Variants in WDFY3 observed in about 807,000 individuals in gnomAD.
WDFY3 encodes WD repeat and FYVE domain containing 3, also known as WD repeat and FYVE domain-containing protein 3.
A neutral mutation model predicts 409.6 loss-of-function variants in WDFY3; 66 were observed. The ratio of observed to expected loss-of-function variants is 0.16; its 90% confidence interval spans 0.13 to 0.20. The LOEUF (loss-of-function observed/expected upper bound fraction) is 0.20. Ranked by LOEUF, WDFY3 falls within the 10% of genes least tolerant of loss-of-function variation. The pLI is 1.00. For missense variants in WDFY3, 3,031 were observed against 4,298.1 expected (o/e 0.71, Z 8.24); for synonymous variants, 1,521 against 1,537.1 (o/e 0.99, Z 0.25).
At chr4:84,761,002 T>G (rs1209864027) in intron 32 of WDFY3, among the ~76,000 whole-genome samples, 2 of 151,668 alleles carry the variant, frequency 1.3e-5, no homozygotes, top group East Asian at 1.9e-4. Context: ...TCTGGTATGT[T>G]GTGTCTTTGT....
At chr4:84,756,713 C>T (rs1362844291) in intron 33 of WDFY3, among the ~76,000 whole-genome samples, 1 of 151,674 alleles carries the variant, frequency 6.6e-6, no homozygotes, top group African/African-American at 2.4e-5. Flanking sequence ...CTATAATATA[C>T]AGAGTTATCA....
chr4:84,780,766 A>AAAATAAATAAAT (rs370562593), intron 25 of WDFY3, among the ~76,000 whole-genome samples: 2 of 151,244 alleles, frequency 1.3e-5, no homozygotes, highest in Admixed American at 6.6e-5. Context: ...TCCCTCTCAA[A>AAAATAAATAAAT]AAATAAATAA....
intron 13 of WDFY3, among the ~76,000 whole-genome samples, chr4:84,814,646 G>A (rs1753010297): frequency 6.6e-6 from 1 of 152,046 alleles, no homozygotes; most frequent in African/African-American, 2.4e-5. Context: ...AACTGTGGAG[G>A]TTTCCCAGTC....
At chr4:84,941,129 A>C (rs771363325) in intron 1 of WDFY3, among the ~76,000 whole-genome samples, 15 of 152,008 alleles carry the variant, frequency 9.9e-5, no homozygotes, top group Non-Finnish European at 2.2e-4. Context: ...CCAGTGCAAT[A>C]AGGCATGAAA....
chr4:84,962,251 G>A (rs975142848), intron 1 of WDFY3, among the ~76,000 whole-genome samples: 5 of 152,116 alleles, frequency 3.3e-5, no homozygotes, highest in South Asian at 2.1e-4. Flanking sequence ...AATGATTAGC[G>A]AATGCTATAA....
chr4:84,759,115 G>C (rs1453949367), intron 32 of WDFY3, among the ~76,000 whole-genome samples: 1 of 152,136 alleles, frequency 6.6e-6, no homozygotes, highest in Non-Finnish European at 1.5e-5. Flanking sequence ...GATAGTTGTA[G>C]ATATGCGGCG....
intron 1 of WDFY3, among the ~76,000 whole-genome samples, chr4:84,933,378 T>C (rs1218369097): frequency 7.2e-5 from 11 of 151,940 alleles, no homozygotes; most frequent in Non-Finnish European, 1.6e-4. Flanking sequence ...AGGAGAAAAA[T>C]CCCTCTTTTT....
chr4:84,847,802 C>CAAAAAAAAAAAA (rs1216270148), intron 5 of WDFY3, among the ~76,000 whole-genome samples: 1 of 100,044 alleles, frequency 1.0e-5, no homozygotes, highest in African/African-American at 3.7e-5. Flanking sequence ...AAAAAAAAAA[C>CAAAAAAAAAAAA]AAAAAAAAAC....
intron 1 of WDFY3, among the ~76,000 whole-genome samples, chr4:84,959,865 G>C (rs950333932): frequency 5.3e-5 from 8 of 151,972 alleles, no homozygotes; most frequent in Non-Finnish European, 1.0e-4. Context: ...CACTTAACTA[G>C]GAATAAACAT....
chr4:84,864,361 A>G (rs991239315), intron 3 of WDFY3, among the ~76,000 whole-genome samples: 2 of 136,974 alleles, frequency 1.5e-5, no homozygotes, highest in Admixed American at 1.5e-4. Context: ...GCAAGACTCC[A>G]TCTCAAAAAA....
At chr4:84,869,263 C>G (rs1761852370) in intron 3 of WDFY3, among the ~76,000 whole-genome samples, 1 of 152,222 alleles carries the variant, frequency 6.6e-6, no homozygotes, top group African/African-American at 2.4e-5. Context: ...CCCTTTCTCA[C>G]TCGCTGAATC....
chr4:84,808,483 T>C (rs1751911745), intron 14 of WDFY3, 66 bp from the exon 15 acceptor site: 5 of 1,401,612 alleles, frequency 3.6e-6, no homozygotes, highest in Admixed American at 3.7e-5. Context: ...AGGTTGGCAG[T>C]TGGTTAGTTT....
At chr4:84,709,068 T>C in intron 52 of WDFY3, 40 bp from the exon 53 acceptor site, 1 of 1,609,846 alleles carries the variant, frequency 6.2e-7, no homozygotes, top group South Asian at 1.1e-5. Context: ...CTATCGATTA[T>C]TTCCACTATG....
chr4:84,958,985 T>A (rs558040351), intron 1 of WDFY3, among the ~76,000 whole-genome samples: 1 of 152,348 alleles, frequency 6.6e-6, no homozygotes, highest in South Asian at 2.1e-4. Flanking sequence ...ACAGTTATAA[T>A]AATATAGTAT....
intron 40 of WDFY3, 123 bp downstream of exon 40, chr4:84,738,887 G>A: frequency 1.2e-6 from 1 of 818,782 alleles, no homozygotes; most frequent in South Asian, 1.6e-5. Flanking sequence ...TTATGTATAG[G>A]TTGCCCTACT....
chr4:84,963,742 C>A (rs1428385848), intron 1 of WDFY3, among the ~76,000 whole-genome samples: 1 of 152,002 alleles, frequency 6.6e-6, no homozygotes. Context: ...TCTAGTATAC[C>A]CTGTTTATGA....
chr4:84,670,285 T>A lies in WDFY3; in HGVS notation c.*2583A>T, dbSNP rs1725267146. On this transcript the variant is annotated 3_prime_UTR_variant, in exon 68 of 68. Transcript: ENST00000295888. ...CTATGAGGTACTCTCAGAAAAAGAA[T>A]GCAGACCATACTAAGGTAGATGTAC... 6.6e-6 allele frequency: 1 copy of A among 152,654 alleles called. No homozygotes were observed. The highest frequency in any genetic ancestry group is 1.5e-5 in the Non-Finnish European group (1 of 68,036). The allele number at this position is 152,654 out of a possible 1,614,324, so 9.5% of individuals were successfully genotyped here. A position where few individuals can be genotyped will look rare whatever the true frequency, so the allele number is the denominator to read the frequency against.
chr4:84,673,576 A>G (rs1304213788), intron 67 of WDFY3, among the ~76,000 whole-genome samples: 1 of 152,138 alleles, frequency 6.6e-6, no homozygotes, highest in Admixed American at 6.5e-5. Flanking sequence ...AAACAGTTAG[A>G]CTGGCTTTCC....
intron 3 of WDFY3, among the ~76,000 whole-genome samples, chr4:84,868,033 G>T (rs991985136): frequency 1.3e-5 from 2 of 151,720 alleles, no homozygotes; most frequent in African/African-American, 2.4e-5. Flanking sequence ...GCCGGGGATG[G>T]TGTCATGCGC....
Sources: gnomAD v4.1 joint callset for allele counts (sites outside exome capture counted in the v4.1 genomes callset) on GRCh38, gnomAD v4.1.1 for gene constraint, MANE v1.5 for transcripts, NCBI Gene and HGNC (gene_info 2026-07-23, HGNC 2026-07-21) for gene names.